The following HSD17B3 variants were observed in gnomAD, a reference collection of about 807,000 sequenced individuals.
HSD17B3 encodes hydroxysteroid 17-beta dehydrogenase 3.
In HSD17B3, 29 loss-of-function variants were observed where a neutral mutation model predicts 41.1. The ratio of observed to expected loss-of-function variants is 0.71; its 90% CI spans 0.53 to 0.96. The LOEUF is 0.96. HSD17B3 is among the 40% of genes least tolerant of loss of function. The pLI is 0.00. For synonymous variants in HSD17B3, 126 were observed against 145.6 expected (o/e 0.87, Z 0.97); for missense variants, 323 against 374.6 (o/e 0.86, Z 1.14).
intron 8 of HSD17B3, 58 bp from the exon 9 acceptor site, chr9:96,244,452 A>G: frequency 1.3e-6 from 2 of 1,491,576 alleles, no homozygotes; most frequent in Admixed American, 3.3e-5. Context: ...GTCAGAGCCA[A>G]CTTCCTCTGA....
chr9:96,276,107 TAAAAAAAAAAAA>T (rs57386167), intron 2 of HSD17B3, among the ~76,000 whole-genome samples: 1 of 41,152 alleles, frequency 2.4e-5, no homozygotes, highest in Non-Finnish European at 4.3e-5. Flanking sequence ...TCCTGTCTCA[TAAAAAAAAAAAA>T]AAAAAAAAAA....
At chr9:96,290,456 CTTTT>C (rs61373611) in intron 2 of HSD17B3, among the ~76,000 whole-genome samples, 3 of 78,416 alleles carry the variant, frequency 3.8e-5, no homozygotes, top group African/African-American at 1.1e-4. Context: ...ATTTCCTGGG[CTTTT>C]TTTTTTTTTT....
intron 2 of HSD17B3, among the ~76,000 whole-genome samples, chr9:96,268,736 G>T (rs1250907353): frequency 6.6e-6 from 1 of 152,080 alleles, no homozygotes; most frequent in African/African-American, 2.4e-5. Context: ...ATCACCTGAG[G>T]TCAGGAGTTC....
chr9:96,298,314 G>T, intron 2 of HSD17B3, 102 bp downstream of exon 2: 1 of 884,112 alleles, frequency 1.1e-6, no homozygotes, highest in Non-Finnish European at 1.9e-6. Flanking sequence ...TTAAATGAAT[G>T]CATACTGCTT....
At chr9:96,238,425 G>A (rs1357843654) in intron 10 of HSD17B3, among the ~76,000 whole-genome samples, 1 of 152,064 alleles carries the variant, frequency 6.6e-6, no homozygotes, top group Non-Finnish European at 1.5e-5. Flanking sequence ...ACTTTGGGAG[G>A]TCAAGGCAGG....
chr9:96,269,909 G>GAAAAAAAAAAAAAAAAAAAAAAAAAAAAA (rs59947729), intron 2 of HSD17B3, among the ~76,000 whole-genome samples: 1 of 103,880 alleles, frequency 9.6e-6, no homozygotes. Flanking sequence ...ATCTTAAAAA[G>GAAAAAAAAAAAAAAAAAAAAAAAAAAAAA]AAAAAAAAAA....
At chr9:96,298,530 G>C in intron 1 of HSD17B3, 68 bp from the exon 2 acceptor site, 1 of 1,357,990 alleles carries the variant, frequency 7.4e-7, no homozygotes, top group South Asian at 1.2e-5. Flanking sequence ...CACTGGCCAC[G>C]TTTTCTCACA....
intron 2 of HSD17B3, among the ~76,000 whole-genome samples, chr9:96,266,151 C>T (rs551566334): frequency 2.1e-4 from 32 of 152,222 alleles, no homozygotes; most frequent in Non-Finnish European, 4.3e-4. Flanking sequence ...AGAGTGAGCA[C>T]ACACAGTTAA....
intron 6 of HSD17B3, among the ~76,000 whole-genome samples, chr9:96,248,408 T>C (rs1717199168): frequency 6.6e-6 from 1 of 152,226 alleles, no homozygotes; most frequent in South Asian, 2.1e-4. Context: ...AACAGCAACC[T>C]GGCTTTCTTT....
At chr9:96,288,777 A>C (rs1206779941) in intron 2 of HSD17B3, among the ~76,000 whole-genome samples, 2 of 152,114 alleles carry the variant, frequency 1.3e-5, no homozygotes, top group Non-Finnish European at 2.9e-5. Flanking sequence ...TCTACTAAAA[A>C]TACAAAAAAA....
chr9:96,275,413 C>T (rs1480110215), intron 2 of HSD17B3, among the ~76,000 whole-genome samples: 1 of 151,854 alleles, frequency 6.6e-6, no homozygotes, highest in Non-Finnish European at 1.5e-5. Context: ...TTAACAGATA[C>T]CCGGTATAAA....
At position 96,243,114 on chromosome 9, in the gene HSD17B3, C is replaced by T. The variant is rs1444326513; in HGVS notation, c.672+1215G>A. Among the ~76,000 whole-genome samples the T allele has an allele frequency of 3.3e-5, 5 of 152,234 alleles. No homozygotes were observed. The East Asian group carries it at 9.6e-4, about 29-fold the overall frequency. On this transcript the variant is annotated intron_variant, in intron 9 of 10. Transcript: ENST00000375263. ...ACAGTGAGCCAATGTCTTCTGTGAA[C>T]CCACAGTGGATGTGTCACGTGAATG...
intron 9 of HSD17B3, 105 bp downstream of exon 9, chr9:96,244,224 G>A (rs1175033716): frequency 4.6e-6 from 5 of 1,086,646 alleles, no homozygotes; most frequent in Non-Finnish European, 5.7e-6. Context: ...ACCCACAGGA[G>A]GCAGTGGCCC....
At chr9:96,248,309 AC>A (rs1836754943) in intron 6 of HSD17B3, among the ~76,000 whole-genome samples, 1 of 152,250 alleles carries the variant, frequency 6.6e-6, no homozygotes, top group African/African-American at 2.4e-5. Flanking sequence ...TTATAGAAAA[AC>A]AACCAAATAG....
intron 6 of HSD17B3, among the ~76,000 whole-genome samples, chr9:96,246,819 GA>G (rs1836685048): frequency 6.6e-6 from 1 of 152,180 alleles, no homozygotes; most frequent in African/African-American, 2.4e-5. Context: ...TGGGGCCTCT[GA>G]TTTCTTCCCC....
At chr9:96,298,515 T>C in intron 1 of HSD17B3, 53 bp from the exon 2 acceptor site, 2 of 1,492,846 alleles carry the variant, frequency 1.3e-6, no homozygotes, top group South Asian at 2.3e-5. Flanking sequence ...TAAACTTCTC[T>C]TTCTCACTGG....
chr9:96,295,141 G>T (rs1827300712), intron 2 of HSD17B3, among the ~76,000 whole-genome samples: 1 of 150,910 alleles, frequency 6.6e-6, no homozygotes, highest in Non-Finnish European at 1.5e-5. Flanking sequence ...TGAGTAGCTG[G>T]GATTACAGGT....
At chr9:96,297,213 T>C (rs1165468072) in intron 2 of HSD17B3, among the ~76,000 whole-genome samples, 2 of 152,126 alleles carry the variant, frequency 1.3e-5, no homozygotes, top group African/African-American at 2.4e-5. Context: ...CTCATATTTC[T>C]CAATGGAATT....
chr9:96,301,726 A>C (rs1269688262), intron 1 of HSD17B3, among the ~76,000 whole-genome samples: 1 of 149,328 alleles, frequency 6.7e-6, no homozygotes, highest in South Asian at 2.1e-4. Flanking sequence ...AAAAAAAAAA[A>C]CACCATTAGC....
Sources: allele counts gnomAD v4.1 joint callset (sites outside exome capture counted in the v4.1 genomes callset), GRCh38; gene constraint gnomAD v4.1.1; transcripts MANE v1.5; gene names NCBI Gene and HGNC (gene_info 2026-07-23, HGNC 2026-07-21).